Variants in MACROD2 observed in about 807,000 individuals in gnomAD.
The protein encoded by MACROD2 is ADP-ribose glycohydrolase MACROD2.
In MACROD2, 36 loss-of-function variants were observed where a neutral mutation model predicts 70.4. That is an observed-to-expected ratio of 0.51 (90% CI 0.39 to 0.68). The LOEUF (loss-of-function observed/expected upper bound fraction) is 0.68, where lower values mean the gene tolerates loss of function less well. Ranked by LOEUF, MACROD2 falls within the 30% of genes least tolerant of loss-of-function variation. MACROD2 has a pLI of 0.00. For missense variants in MACROD2, 496 were observed against 538.4 expected (o/e 0.92, Z 0.78); for synonymous variants, 172 against 178.8 (o/e 0.96, Z 0.30).
intron 3 of MACROD2, among the ~76,000 whole-genome samples, chr20:14,259,043 A>G (rs2122303683): frequency 6.6e-6 from 1 of 152,320 alleles, no homozygotes; most frequent in East Asian, 1.9e-4. Context: ...CCCGGGTTCA[A>G]GCAATTCCCC....
At chr20:14,465,128 A>T (rs2084427477) in intron 3 of MACROD2, among the ~76,000 whole-genome samples, 1 of 152,030 alleles carries the variant, frequency 6.6e-6, no homozygotes, top group Non-Finnish European at 1.5e-5. Context: ...TAATGTTGAC[A>T]GTGGGGTGTT....
intron 3 of MACROD2, chr20:14,223,365 CTG>C (rs1346451020): frequency 6.6e-6 from 1 of 152,182 alleles, no homozygotes; most frequent in African/African-American, 2.4e-5. Context: ...TAATTTTCTG[CTG>C]TGTGTCAGGC....
intron 5 of MACROD2, among the ~76,000 whole-genome samples, chr20:14,941,399 A>G (rs1600853409): frequency 6.6e-6 from 1 of 152,090 alleles, no homozygotes; most frequent in Non-Finnish European, 1.5e-5. Flanking sequence ...TGAAACAGGG[A>G]CAGGTCTCCT....
chr20:15,983,078 T>C (rs939627489), intron 13 of MACROD2, among the ~76,000 whole-genome samples: 4 of 152,236 alleles, frequency 2.6e-5, no homozygotes, highest in African/African-American at 9.6e-5. Flanking sequence ...AGTTTTTCTT[T>C]TTAACTCATG....
intron 3 of MACROD2, among the ~76,000 whole-genome samples, chr20:14,143,448 G>A (rs969497082): frequency 6.6e-6 from 1 of 152,030 alleles, no homozygotes; most frequent in African/African-American, 2.4e-5. Context: ...AGCAGGATCC[G>A]TCAGTGGAGT....
intron 6 of MACROD2, among the ~76,000 whole-genome samples, chr20:15,301,591 C>CTTTTTTTTTGTTTTTTTT (rs2077643088): frequency 1.2e-5 from 1 of 81,250 alleles, no homozygotes; most frequent in Non-Finnish European, 2.4e-5. Flanking sequence ...GGTAGGTGGC[C>CTTTTTTTTTGTTTTTTTT]TTTTTTTTTT....
chr20:15,221,813 A>AAACATAAT (rs2076864257), intron 5 of MACROD2, among the ~76,000 whole-genome samples: 1 of 152,238 alleles, frequency 6.6e-6, no homozygotes, highest in Non-Finnish European at 1.5e-5. Context: ...ATGATGCCCC[A>AAACATAAT]AACATAATAA....
rs6043621 is a variant in MACROD2, at chr20:15,926,415, A to C, written c.776-6861A>C. 6.8e-3 allele frequency among the ~76,000 whole-genome samples: 1,030 copies of C among 152,330 alleles called. 13 individuals carry two copies. Among genetic ancestry groups the C allele is most frequent in the African/African-American group, 0.023 (966 of 41,570 alleles). On this transcript the variant is annotated intron_variant, in intron 10 of 17. Coordinates refer to ENST00000684519, the MANE Select transcript of MACROD2 (RefSeq NM_001351661.2). Reference sequence around the variant, plus strand: ...CTTAGGAAACATTGTTTCACAAAGCAGACAAAGACCCTTGCCTCCGTGGAG... The same window carrying C: ...CTTAGGAAACATTGTTTCACAAAGCCGACAAAGACCCTTGCCTCCGTGGAG...
chr20:15,521,789 A>G (rs1361643907), intron 8 of MACROD2, among the ~76,000 whole-genome samples: 1 of 152,238 alleles, frequency 6.6e-6, no homozygotes, highest in Non-Finnish European at 1.5e-5. Flanking sequence ...CAAAATAAAC[A>G]GCATTTTCAA....
intron 10 of MACROD2, among the ~76,000 whole-genome samples, chr20:15,891,871 C>T (rs1267429454): frequency 2.0e-5 from 3 of 152,016 alleles, no homozygotes; most frequent in African/African-American, 7.3e-5. Flanking sequence ...GAGTTGAGTG[C>T]AGGAAAGGAA....
intron 8 of MACROD2, among the ~76,000 whole-genome samples, chr20:15,637,348 G>A (rs1483704938): frequency 6.6e-6 from 1 of 152,152 alleles, no homozygotes; most frequent in Non-Finnish European, 1.5e-5. Flanking sequence ...TATTCCTATT[G>A]GCTATGTGGT....
At chr20:14,720,966 A>C (rs2071461214) in intron 5 of MACROD2, among the ~76,000 whole-genome samples, 1 of 152,012 alleles carries the variant, frequency 6.6e-6, no homozygotes, top group Non-Finnish European at 1.5e-5. Context: ...TTAAAACTCA[A>C]GGAGTTGGCC....
At chr20:14,913,141 ATATACT>A (rs1239802651) in intron 5 of MACROD2, among the ~76,000 whole-genome samples, 2 of 152,136 alleles carry the variant, frequency 1.3e-5, no homozygotes, top group Non-Finnish European at 2.9e-5. Flanking sequence ...ATGCACTTAA[ATATACT>A]TATATGTACA....
At chr20:15,355,577 A>G (rs140546625) in intron 6 of MACROD2, among the ~76,000 whole-genome samples, 55 of 152,288 alleles carry the variant, frequency 3.6e-4, no homozygotes, top group African/African-American at 1.3e-3. Flanking sequence ...TGGCCACATG[A>G]TTAAACTCAA....
intron 3 of MACROD2, among the ~76,000 whole-genome samples, chr20:14,274,712 T>C (rs934689463): frequency 6.6e-6 from 1 of 152,176 alleles, no homozygotes; most frequent in Non-Finnish European, 1.5e-5. Flanking sequence ...AAATTGTCCC[T>C]GTTTGCAGAT....
intron 4 of MACROD2, among the ~76,000 whole-genome samples, chr20:14,651,948 T>G (rs1043438571): frequency 6.6e-6 from 1 of 152,138 alleles, no homozygotes; most frequent in Non-Finnish European, 1.5e-5. Context: ...TCATAAACTT[T>G]CATATTATTA....
intron 6 of MACROD2, among the ~76,000 whole-genome samples, chr20:15,263,529 AT>A (rs2077267318): frequency 6.6e-6 from 1 of 151,924 alleles, no homozygotes; most frequent in African/African-American, 2.4e-5. Flanking sequence ...TTTTGGTTCT[AT>A]ATAATTTTTA....
In MACROD2 at chr20:16,003,662, G is replaced by A. The variant is rs115068019; in HGVS notation, c.1153+16504G>A. The stretch of plus-strand genomic sequence containing the variant: ...TGGTTTAGTAGATCTGGAGATGGCA[G>A]GAGTCAAAATGTTGCTTTTTCTTTT... On this transcript the variant is annotated intron_variant, in intron 15 of 17. Transcript: ENST00000684519. 8.8e-3 allele frequency among the ~76,000 whole-genome samples: 1,346 copies of A among 152,186 alleles called. 27 individuals are homozygous for A. The highest frequency in any genetic ancestry group is 0.03 in the African/African-American group (1,251 of 41,520).
intron 3 of MACROD2, among the ~76,000 whole-genome samples, chr20:14,134,823 C>T (rs1233121321): frequency 1.5e-5 from 1 of 67,318 alleles, no homozygotes; most frequent in African/African-American, 5.3e-5. Flanking sequence ...AAAAAAAAAA[C>T]AGCTACAAAT....
Sources: allele counts gnomAD v4.1 joint callset (sites outside exome capture counted in the v4.1 genomes callset), GRCh38; gene constraint gnomAD v4.1.1; transcripts MANE v1.5; gene names NCBI Gene and HGNC (gene_info 2026-07-23, HGNC 2026-07-21).